HAP1: variants seen among roughly 807,000 people sequenced by gnomAD.
HAP1 encodes the protein huntingtin associated protein 1.
A neutral mutation model predicts 60.3 loss-of-function variants in HAP1; 59 were observed. The observed-to-expected ratio is 0.98, with a 90% CI of 0.79 to 1.22. The LOEUF is 1.22. Ranked by LOEUF, HAP1 falls within the 50% of genes most tolerant of loss-of-function variation. The probability of loss-of-function intolerance (pLI) is 0.00; values close to 1 mark genes in which losing one functional copy is unlikely to be tolerated. For synonymous variants in HAP1, 346 were observed against 330.6 expected (o/e 1.05, Z -0.50); for missense variants, 825 against 785.3 (o/e 1.05, Z -0.60).
At chr17:41,726,168 A>G (rs1439576246) in intron 9 of HAP1, among the ~76,000 whole-genome samples, 1 of 152,102 alleles carries the variant, frequency 6.6e-6, no homozygotes, top group Non-Finnish European at 1.5e-5. Context: ...TAATCCCAAC[A>G]CTTTGAGAGG....
chr17:41,727,015 C>T (rs1555588993), intron 9 of HAP1, 38 bp downstream of exon 9: 2 of 1,062,250 alleles, frequency 1.9e-6, no homozygotes, highest in Admixed American at 2.0e-5. Context: ...CAGGAAAGGC[C>T]ATGGCCTATG....
downstream of HAP1, chr17:41,718,180 G>A (rs1349842037): frequency 2.0e-5 from 6 of 297,832 alleles, no homozygotes; most frequent in Non-Finnish European, 4.4e-5. Context: ...CCCTGAACGC[G>A]CCCGATCTTG....
chr17:41,721,254 C>G (rs868963737), downstream of HAP1: 22 of 152,420 alleles, frequency 1.4e-4, no homozygotes, highest in African/African-American at 5.3e-4. Context: ...CTATAATATC[C>G]TGGAGCAAAC....
At chr17:41,727,175 G>A in intron 8 of HAP1, 31 bp from the exon 9 acceptor site, 4 of 1,180,500 alleles carry the variant, frequency 3.4e-6, no homozygotes, top group Non-Finnish European at 5.1e-6. Flanking sequence ...GTTACCAGAG[G>A]ACCCCCACAG....
At chr17:41,720,031 A>G (rs1911135685), downstream of HAP1, among the ~76,000 whole-genome samples, 1 of 151,420 alleles carries the variant, frequency 6.6e-6, no homozygotes, top group African/African-American at 2.4e-5. Flanking sequence ...CTGGGATTAC[A>G]GGCGCCCACC....
At chr17:41,719,774 T>A (rs1352084095), downstream of HAP1, among the ~76,000 whole-genome samples, 2 of 152,080 alleles carry the variant, frequency 1.3e-5, no homozygotes, top group Non-Finnish European at 2.9e-5. Flanking sequence ...TACCAAAAAG[T>A]GTATTGTAAT....
chr17:41,724,434 A>G lies in HAP1; in HGVS notation c.*267T>C. On this transcript the variant is annotated 3_prime_UTR_variant, in exon 11 of 11. Coordinates refer to ENST00000347901, the MANE Select transcript of HAP1 (RefSeq NM_177977.3). ...AGGAGGCAGGGGTTGGGGGCAGGGG[A>G]AGCAAGCGGGCAGAGATGGGAAGCT... 3 of 396,380 alleles carry G rather than the reference A, an allele frequency of 7.6e-6. No individual in the cohort carries two copies. Among genetic ancestry groups the G allele is most frequent in the South Asian group, 4.0e-5 (1 of 25,234 alleles). 24.6% of individuals were successfully genotyped at this position (396,380 alleles called of 1,614,324 possible). A position where few individuals can be genotyped will look rare whatever the true frequency, so the allele number is the denominator to read the frequency against.
chr17:41,734,477 C>T lies in HAP1; in HGVS notation c.158G>A (p.Arg53Gln), dbSNP rs1167073317. ...ARGTGQRVGS[R>Q]ATSGSQFLSE... ...GAGGAACTGGGATCCAGAGGTGGCTCGGGATCCTACTCTCTGTCCAGTGCC... is the reference window on the plus strand; with the variant it reads ...GAGGAACTGGGATCCAGAGGTGGCTTGGGATCCTACTCTCTGTCCAGTGCC... Residue 53 changes from arginine to glutamine, a missense_variant, in exon 1 of 11, where the codon CGA (arginine) becomes CAA (glutamine). Physicochemically the swap from Arg to Gln is conservative, Grantham distance 43. Transcript: ENST00000347901. The T allele has an allele frequency of 6.2e-7, 1 of 1,611,796 alleles. No individual in the cohort carries two copies. The highest frequency in any genetic ancestry group is 1.7e-5 in the Admixed American group (1 of 59,990).
rs1170758756 is a variant in HAP1 at position 41,723,900 on chromosome 17, A to G, written c.*801T>C. The G allele has an allele frequency of 3.3e-5, 5 of 152,440 alleles. No homozygotes were observed. In the East Asian group the frequency reaches 7.7e-4, roughly 24 times the overall value. The allele number at this position is 152,440 out of a possible 1,614,324, so 9.4% of individuals were successfully genotyped here. A position where few individuals can be genotyped will look rare whatever the true frequency, so the allele number is the denominator to read the frequency against. On this transcript the variant is annotated 3_prime_UTR_variant, in exon 11 of 11. Transcript: ENST00000347901. ...AGATCTACCCCGGCTGTGTGGCCCC[A>G]AACAAGTGTCCTTAGCTCTCTGAGC...
downstream of HAP1, chr17:41,722,249 A>G (rs903947664): frequency 6.6e-6 from 1 of 152,410 alleles, no homozygotes; most frequent in African/African-American, 2.4e-5. Context: ...GAGGGCGACT[A>G]TACTTGTTCC....
chr17:41,729,652 G>A (rs1429213648), intron 6 of HAP1, among the ~76,000 whole-genome samples: 4 of 148,388 alleles, frequency 2.7e-5, no homozygotes, highest in Non-Finnish European at 5.9e-5. Context: ...AAGGCGGGAG[G>A]ATCACTTGAG....
At chr17:41,718,417 C>G (rs749190914), downstream of HAP1, among the ~76,000 whole-genome samples, 1 of 152,134 alleles carries the variant, frequency 6.6e-6, no homozygotes, top group Non-Finnish European at 1.5e-5. Context: ...GTGGGCCTCC[C>G]CCGGCTTCTC....
rs1024911791 is a variant in HAP1 at position 41,728,130 on chromosome 17, T to C, written c.1200+71A>G. 2.1e-5 allele frequency: 32 copies of C among 1,556,080 alleles called. No individual in the cohort carries two copies. The Admixed American group carries it at 2.7e-4, about 13-fold the overall frequency. On this transcript the variant is annotated intron_variant, in intron 7 of 10. Transcript: ENST00000347901. ...GGACCTCAGGCCTGGTGGAGCCGAG[T>C]GGAGGCAGGAAGAAGGAAGCTAGGG...
chr17:41,729,137 C>CA (rs1911919872), intron 6 of HAP1, among the ~76,000 whole-genome samples: 1 of 148,238 alleles, frequency 6.7e-6, no homozygotes, highest in Non-Finnish European at 1.5e-5. Context: ...GACGGGGTTT[C>CA]ACCATGTTGG....
In HAP1 at chr17:41,733,039, T is replaced by TTG. The variant is rs1491243243; in HGVS notation, c.470-242_470-241insCA. ...TTTTAGGTTTTTGGGTTTTTTTTGG[T>TTG]TTTTTTTTTTTTTGGTTTTTTTTTT... On this transcript the variant is annotated intron_variant, in intron 1 of 10. Transcript: ENST00000347901. Among the ~76,000 whole-genome samples, 7 of 13,040 alleles carry TTG rather than the reference T, an allele frequency of 5.4e-4. No homozygotes were observed. The East Asian group carries it at 0.048, about 90-fold the overall frequency. The allele number at this position is 13,040 out of a possible 152,430, so 8.6% of individuals were successfully genotyped here. A position where few individuals can be genotyped will look rare whatever the true frequency, so the allele number is the denominator to read the frequency against.
rs782217082 is a variant in HAP1 at position 41,728,244 on chromosome 17, C to T, written c.1157G>A (p.Arg386Gln). ...NYERQQQEVA[R>Q]LQAQVLKLQQ... is the part of the protein sequence containing the mutation. ...CAGCTTCAGCACCTGGGCCTGCAGC[C>T]GAGCGACCTCCTGCTGCTGCCGTTC... The change falls in exon 7 of 11, where the codon CGG (arginine) becomes CAG (glutamine). Residue 386 changes from arginine (R) to glutamine (Q), a missense_variant. Physicochemically the swap from Arg to Gln is conservative, Grantham distance 43. Coordinates refer to ENST00000347901, the MANE Select transcript of HAP1 (RefSeq NM_177977.3). 24 of 1,613,286 alleles carry T rather than the reference C, an allele frequency of 1.5e-5. No individual in the cohort carries two copies. The highest frequency in any genetic ancestry group is 1.2e-4 in the South Asian group (11 of 91,086).
Position 41,731,544 on chromosome 17 carries a change from T to G in HAP1, c.1018A>C (p.Thr340Pro). The change falls in exon 6 of 11, where the codon ACT (threonine) becomes CCT (proline). Residue 340 changes from threonine (T) to proline (P), a missense_variant. By Grantham distance (38) the Thr-to-Pro change is conservative. Transcript: ENST00000347901. ...QLREEASQLD[T>P]LEDEEQMLIL... Reference sequence around the variant, plus strand: ...AGCATCTGTTCCTCATCCTCAAGAGTGTCGAGTTGAGAGGCCTGGAGGGAG... The same window carrying G: ...AGCATCTGTTCCTCATCCTCAAGAGGGTCGAGTTGAGAGGCCTGGAGGGAG... 6.2e-7 allele frequency: 1 copy of G among 1,612,438 alleles called. No homozygotes were observed.
At chr17:41,726,958 G>A (rs925736305) in intron 9 of HAP1, 95 bp downstream of exon 9, 2 of 667,762 alleles carry the variant, frequency 3.0e-6, no homozygotes, top group African/African-American at 1.8e-5. Flanking sequence ...GGCGGGTATA[G>A]GGAAGCGTGG....
Position 41,728,266 on chromosome 17 carries a change from G to T in HAP1, c.1135C>A (p.Arg379=), listed in dbSNP as rs199907166. 3.1e-6 allele frequency: 5 copies of T among 1,613,466 alleles called. No individual in the cohort carries two copies. In the Admixed American group the frequency reaches 5.0e-5, roughly 16 times the overall value. Residue 379 remains arginine, a synonymous_variant, in exon 7 of 11, where the codon CGG becomes AGG. Transcript: ENST00000347901. The part of the protein sequence containing the change: ...VLVLRLENYE[R]QQQEVARLQA... ...AGCCGAGCGACCTCCTGCTGCTGCC[G>T]TTCATAGTTTTCCAGCCTGAGCACC... is the stretch of plus-strand genomic sequence containing the variant.
Sources: allele counts gnomAD v4.1 joint callset (sites outside exome capture counted in the v4.1 genomes callset), GRCh38; gene constraint gnomAD v4.1.1; transcripts MANE v1.5; gene names NCBI Gene and HGNC (gene_info 2026-07-23, HGNC 2026-07-21).